Variants in ATXN7 observed in about 807,000 individuals in gnomAD.
ATXN7 encodes the protein ataxin 7.
Under a neutral mutation model 70.5 loss-of-function variants are expected in ATXN7, and 12 were observed. The observed-to-expected ratio is 0.17, with a 90% CI of 0.11 to 0.28. The LOEUF is 0.28. Among genes scored for constraint, ATXN7 ranks in the 10% least tolerant of loss-of-function variants. ATXN7 has a pLI of 1.00. For missense variants in ATXN7, 1,256 were observed against 1,131.7 expected, an observed-to-expected ratio of 1.11 and a Z score of -1.58; for synonymous variants, 498 against 448.7, an observed-to-expected ratio of 1.11 and a Z score of -1.39.
At chr3:63,868,549 G>T (rs1702502525) in intron 1 of ATXN7, among the ~76,000 whole-genome samples, 1 of 152,066 alleles carries the variant, frequency 6.6e-6, no homozygotes, top group African/African-American at 2.4e-5. Context: ...TTAAAACATT[G>T]TTTTTTAAGA....
intron 1 of ATXN7, among the ~76,000 whole-genome samples, chr3:63,892,455 CTT>C (rs529792612): frequency 5.6e-4 from 83 of 146,940 alleles, no homozygotes; most frequent in African/African-American, 2.0e-3. Context: ...TAATTTGCCT[CTT>C]ATCGCTCCTT....
At chr3:63,998,201 G>A (rs1168594207) in intron 12 of ATXN7, 12 of 692,990 alleles carry the variant, frequency 1.7e-5, no homozygotes, top group Admixed American at 2.2e-4. Flanking sequence ...AAGGACAGAA[G>A]GGGGGGGGGC....
chr3:63,908,542 A>G (rs1166266652), intron 2 of ATXN7, among the ~76,000 whole-genome samples: 3 of 152,134 alleles, frequency 2.0e-5, no homozygotes, highest in Admixed American at 6.5e-5. Flanking sequence ...TCTGTTACCA[A>G]CCCTGTAATT....
Position 63,995,904 on chromosome 3 carries a change from T to C in ATXN7, c.2082T>C (p.Asn694=). The C allele has an allele frequency of 6.2e-7, 1 of 1,614,214 alleles. No individual in the cohort carries two copies. Among genetic ancestry groups the C allele is most frequent in the Non-Finnish European group, 8.5e-7 (1 of 1,180,042 alleles). ...ESSGNSTNCQ[N]ASSSTSGGSG... ...CTGGTAACAGCACTAACTGTCAAAA[T>C]GCCAGTAGCAGTACCAGTGGCGGCT... Residue 694 remains asparagine (N), a synonymous_variant, in exon 12 of 13, where the codon AAT becomes AAC. Coordinates refer to ENST00000674280, the MANE Select transcript of ATXN7 (RefSeq NM_001377405.1).
At position 64,000,882 on chromosome 3, in the gene ATXN7, C is replaced by T. The variant is rs2075826184; in HGVS notation, c.*1415C>T. On this transcript the variant is annotated 3_prime_UTR_variant, in exon 13 of 13. Transcript: ENST00000674280. ...AGGTGTCATTGAATTCCGGGACGAG[C>T]CGGAGCCTTTAAATGGGTGCTTCCA... 6.9e-6 allele frequency: 1 copy of T among 144,728 alleles called. No homozygotes were observed. The highest frequency in any genetic ancestry group is 1.5e-5 in the Non-Finnish European group (1 of 67,348). 9.0% of individuals were successfully genotyped at this position (144,728 alleles called of 1,614,324 possible).
At chr3:63,927,468 C>A (rs186136779) in intron 4 of ATXN7, among the ~76,000 whole-genome samples, 2 of 152,150 alleles carry the variant, frequency 1.3e-5, no homozygotes, top group African/African-American at 2.4e-5. Flanking sequence ...AATAATAATT[C>A]TTGTTGAAGG....
chr3:63,955,480 C>T lies in ATXN7; in HGVS notation c.499+2997C>T, dbSNP rs115034854. On this transcript the variant is annotated intron_variant, in intron 5 of 12. Coordinates refer to ENST00000674280, the MANE Select transcript of ATXN7 (RefSeq NM_001377405.1). The stretch of plus-strand genomic sequence containing the variant: ...TGGCCCTGGAGTGACACCCCACTTA[C>T]TTGGAGGGAAGGAGAGGTGGGCAGG... Among the ~76,000 whole-genome samples the T allele has an allele frequency of 9.7e-3, 1,473 of 152,234 alleles. 17 individuals are homozygous for T. The highest frequency in any genetic ancestry group is 0.033 in the African/African-American group (1,367 of 41,532).
At chr3:63,869,558 G>A (rs966633203) in intron 1 of ATXN7, among the ~76,000 whole-genome samples, 1 of 152,098 alleles carries the variant, frequency 6.6e-6, no homozygotes, top group Admixed American at 6.5e-5. Context: ...CCTAGTAGCT[G>A]GGATTACAGG....
intron 4 of ATXN7, among the ~76,000 whole-genome samples, chr3:63,939,350 C>G (rs925244491): frequency 2.0e-5 from 3 of 152,158 alleles, no homozygotes; most frequent in African/African-American, 7.2e-5. Flanking sequence ...ACTGCCATCC[C>G]CATGTCTTTC....
At chr3:63,876,722 A>G (rs958071209) in intron 1 of ATXN7, among the ~76,000 whole-genome samples, 1 of 152,216 alleles carries the variant, frequency 6.6e-6, no homozygotes, top group Non-Finnish European at 1.5e-5. Context: ...GCTAATGGCC[A>G]GCAATGAGTA....
rs1352408470 is a variant in ATXN7 at position 64,002,292 on chromosome 3, T to C, written c.*2825T>C. On this transcript the variant is annotated 3_prime_UTR_variant, in exon 13 of 13. Transcript: ENST00000674280. ...AGTGGTTCACTGCCAAGCCAATAGT[T>C]CTAGAACCTGCCTCCTTTACAGTTT... The C allele has an allele frequency of 6.6e-6, 1 of 152,594 alleles. No homozygotes were observed. The highest frequency in any genetic ancestry group is 1.5e-5 in the Non-Finnish European group (1 of 68,040). The allele number at this position is 152,594 out of a possible 1,614,324, so 9.5% of individuals were successfully genotyped here. A position where few individuals can be genotyped will look rare whatever the true frequency, so the allele number is the denominator to read the frequency against.
At chr3:63,953,010 C>T (rs2074982063) in intron 5 of ATXN7, among the ~76,000 whole-genome samples, 3 of 151,932 alleles carry the variant, frequency 2.0e-5, no homozygotes. Flanking sequence ...TGGTTTTCTG[C>T]CCAGTTTGGC....
intron 4 of ATXN7, among the ~76,000 whole-genome samples, chr3:63,916,992 T>C (rs765591201): frequency 7.9e-5 from 12 of 152,178 alleles, no homozygotes; most frequent in Non-Finnish European, 1.3e-4. Flanking sequence ...CGATCTGTGC[T>C]CACTGCAACT....
In ATXN7 at chr3:63,989,081, T is replaced by C. The variant is rs565007657; in HGVS notation, c.1361+757T>C. On this transcript the variant is annotated intron_variant, in intron 9 of 12. Coordinates refer to ENST00000674280, the MANE Select transcript of ATXN7 (RefSeq NM_001377405.1). ...TACCATTTCACCCTCACATGTCTGA[T>C]CTTTAAAATGGTTGCATAAAGGTGG... is the stretch of plus-strand genomic sequence containing the variant. Among the ~76,000 whole-genome samples, 46 of 152,310 alleles carry C rather than the reference T, an allele frequency of 3.0e-4. No homozygotes were observed. In the South Asian group the frequency reaches 9.3e-3, roughly 31 times the overall value.
chr3:63,998,126 G>A (rs1272106562), intron 12 of ATXN7: 9 of 981,076 alleles, frequency 9.2e-6, no homozygotes, highest in Non-Finnish European at 1.1e-5. Context: ...TCTCACATCT[G>A]TATTAGTGAG....
intron 4 of ATXN7, among the ~76,000 whole-genome samples, chr3:63,934,254 G>A (rs1033728843): frequency 5.1e-4 from 77 of 152,102 alleles, no homozygotes; most frequent in Non-Finnish European, 1.2e-4. Flanking sequence ...CTGCCTACTC[G>A]GAGGCTATGA....
intron 1 of ATXN7, among the ~76,000 whole-genome samples, chr3:63,876,800 G>A (rs1485422379): frequency 6.6e-6 from 1 of 152,132 alleles, no homozygotes; most frequent in African/African-American, 2.4e-5. Context: ...TTATTTGCTA[G>A]CATTTGTAGT....
chr3:63,888,385 T>C (rs570237384), intron 1 of ATXN7, among the ~76,000 whole-genome samples: 3 of 152,332 alleles, frequency 2.0e-5, no homozygotes, highest in South Asian at 2.1e-4. Flanking sequence ...AACCAGGACA[T>C]TGACATTGGC....
Position 63,999,609 on chromosome 3 carries a change from CTGT to C in ATXN7, c.*147_*149del, listed in dbSNP as rs765791311. 6.2e-6 allele frequency: 9 copies of C among 1,460,432 alleles called. No homozygotes were observed. The South Asian group carries it at 8.5e-5, about 14-fold the overall frequency. The allele number at this position is 1,460,432 out of a possible 1,614,324, so 90.5% of individuals were successfully genotyped here. A position where few individuals can be genotyped will look rare whatever the true frequency, so the allele number is the denominator to read the frequency against. ...GCCTCAAGGGTAGAAACCTGCCGGGCTGTTGTTTTAACGAGGATTTCCCTGAAG... is the reference window on the plus strand; with the variant it reads ...GCCTCAAGGGTAGAAACCTGCCGGGCTGTTTTAACGAGGATTTCCCTGAAG... On this transcript the variant is annotated 3_prime_UTR_variant, in exon 13 of 13. Coordinates refer to ENST00000674280, the MANE Select transcript of ATXN7 (RefSeq NM_001377405.1).
Sources: gnomAD v4.1 joint callset for allele counts (sites outside exome capture counted in the v4.1 genomes callset) on GRCh38, gnomAD v4.1.1 for gene constraint, MANE v1.5 for transcripts, NCBI Gene and HGNC (gene_info 2026-07-23, HGNC 2026-07-21) for gene names.